The following ADAMTSL1 variants were observed in gnomAD, a reference collection of about 807,000 sequenced individuals.
ADAMTSL1 encodes the protein ADAMTS like 1.
A neutral mutation model predicts 201.8 loss-of-function variants in ADAMTSL1; 126 were observed. The observed-to-expected ratio is 0.62, with a 90% CI of 0.54 to 0.72. The LOEUF is 0.72. Ranked by LOEUF, ADAMTSL1 falls within the 30% of genes least tolerant of loss-of-function variation. The pLI, the probability that ADAMTSL1 is intolerant of heterozygous loss-of-function variation, is 0.00. For synonymous variants in ADAMTSL1, 1,121 were observed against 903.4 expected, an observed-to-expected ratio of 1.24 and a Z score of -4.32; for missense variants, 2,679 against 2,277.8, an observed-to-expected ratio of 1.18 and a Z score of -3.59.
chr9:18,352,502 G>A (rs1416255735), intron 2 of ADAMTSL1, among the ~76,000 whole-genome samples: 2 of 152,186 alleles, frequency 1.3e-5, no homozygotes, highest in African/African-American at 4.8e-5. Context: ...CTGTCCCAGT[G>A]CATGTCTTCT....
chr9:18,631,047 G>A (rs554892978), intron 5 of ADAMTSL1, among the ~76,000 whole-genome samples: 1 of 152,138 alleles, frequency 6.6e-6, no homozygotes, highest in Non-Finnish European at 1.5e-5. Context: ...CAGGATTATC[G>A]CCTGAGTGAG....
At position 18,681,797 on chromosome 9, in the gene ADAMTSL1, G is replaced by T; in HGVS notation, c.1342-15G>T. The T allele has an allele frequency of 6.3e-7, 1 of 1,591,850 alleles. No individual in the cohort carries two copies. The highest frequency in any genetic ancestry group is 8.6e-7 in the Non-Finnish European group (1 of 1,168,210). ...TTTGCCTACGAGTCTCCTCTCTCTTGCAATCTCTTTCCAGTGCACAGTGAC... is the reference window on the plus strand; with the variant it reads ...TTTGCCTACGAGTCTCCTCTCTCTTTCAATCTCTTTCCAGTGCACAGTGAC... On this transcript the variant is annotated splice_polypyrimidine_tract_variant and intron_variant, in intron 11 of 28. Coordinates refer to ENST00000380548, the MANE Select transcript of ADAMTSL1 (RefSeq NM_001040272.6).
chr9:18,257,289 A>G (rs1353638650), intron 2 of ADAMTSL1, among the ~76,000 whole-genome samples: 1 of 152,242 alleles, frequency 6.6e-6, no homozygotes, highest in Non-Finnish European at 1.5e-5. Flanking sequence ...AGAATGGAGG[A>G]GATCCAAAAA....
chr9:18,326,902 T>G (rs1276667144), intron 2 of ADAMTSL1, among the ~76,000 whole-genome samples: 1 of 152,242 alleles, frequency 6.6e-6, no homozygotes, highest in Non-Finnish European at 1.5e-5. Flanking sequence ...CAACTGGATT[T>G]AAATGCTAAG....
At chr9:18,157,353 G>A (rs750978896) in intron 1 of ADAMTSL1, among the ~76,000 whole-genome samples, 1 of 151,910 alleles carries the variant, frequency 6.6e-6, no homozygotes, top group African/African-American at 2.4e-5. Context: ...TCTTGTCAAG[G>A]TGTAGATATC....
chr9:18,134,380 A>G (rs1826071144), intron 1 of ADAMTSL1, among the ~76,000 whole-genome samples: 1 of 152,148 alleles, frequency 6.6e-6, no homozygotes, highest in Non-Finnish European at 1.5e-5. Flanking sequence ...GAGCATAGCC[A>G]TTATCTAATT....
chr9:18,705,916 C>T (rs745870008), intron 13 of ADAMTSL1, among the ~76,000 whole-genome samples: 1 of 152,146 alleles, frequency 6.6e-6, no homozygotes. Context: ...ACAGGGCAAA[C>T]CCCAAAACTG....
At chr9:18,175,678 C>G (rs779017177) in intron 2 of ADAMTSL1, among the ~76,000 whole-genome samples, 1 of 152,104 alleles carries the variant, frequency 6.6e-6, no homozygotes, top group Admixed American at 6.6e-5. Flanking sequence ...TCTAGACTTT[C>G]CTTTCTTAAC....
rs199884109 is a variant in ADAMTSL1, at chr9:18,434,263, G to GA, written c.208-70559dup. On this transcript the variant is annotated intron_variant, in intron 2 of 29. Transcript: ENST00000680146. ...AAGGTCCTTATGGGCCCATTTTCAT[G>GA]AAAAAAACAAGAGGCTGTGCTCGGT... Among the ~76,000 whole-genome samples, 1,034 of 152,122 alleles carry GA rather than the reference G, an allele frequency of 6.8e-3. 12 individuals are homozygous for GA. Among genetic ancestry groups the GA allele is most frequent in the African/African-American group, 0.023 (969 of 41,516 alleles).
At chr9:18,564,648 G>A (rs1821762928) in intron 3 of ADAMTSL1, among the ~76,000 whole-genome samples, 2 of 152,128 alleles carry the variant, frequency 1.3e-5, no homozygotes, top group African/African-American at 4.8e-5. Context: ...GTATAATTGT[G>A]TGCTTATAAA....
At chr9:18,451,777 A>T (rs1820415698) in intron 2 of ADAMTSL1, among the ~76,000 whole-genome samples, 1 of 152,210 alleles carries the variant, frequency 6.6e-6, no homozygotes, top group Non-Finnish European at 1.5e-5. Context: ...CAAAGAAGAG[A>T]GATTTATTTC....
chr9:18,817,593 G>C (rs1823942701), intron 21 of ADAMTSL1, among the ~76,000 whole-genome samples: 1 of 152,212 alleles, frequency 6.6e-6, no homozygotes, highest in Non-Finnish European at 1.5e-5. Context: ...GCTGTAGAGA[G>C]AACTGGGTGA....
chr9:18,146,539 G>A (rs1211416201), intron 1 of ADAMTSL1, among the ~76,000 whole-genome samples: 1 of 152,174 alleles, frequency 6.6e-6, no homozygotes, highest in Non-Finnish European at 1.5e-5. Context: ...ATCAATAGTT[G>A]CTAGAGGTTT....
intron 26 of ADAMTSL1, among the ~76,000 whole-genome samples, chr9:18,905,222 C>T (rs1443200662): frequency 6.6e-6 from 1 of 152,146 alleles, no homozygotes; most frequent in African/African-American, 2.4e-5. Context: ...GCTCCATGAA[C>T]TCTGGGGAAA....
chr9:18,897,550 T>C (rs921117105), intron 26 of ADAMTSL1, among the ~76,000 whole-genome samples: 8 of 152,222 alleles, frequency 5.3e-5, no homozygotes, highest in African/African-American at 1.9e-4. Flanking sequence ...CAGACTTCAC[T>C]GGTGATACAT....
In ADAMTSL1 at chr9:18,499,223, A is replaced by T. The variant is rs186449089; in HGVS notation, c.64-5606A>T. 2.0e-5 allele frequency among the ~76,000 whole-genome samples: 3 copies of T among 152,348 alleles called. No homozygotes were observed. The East Asian group carries it at 5.8e-4, about 29-fold the overall frequency. ...TGATCCAAATTTCCTAAGCAAAGCCAGCAGCAAATATCATCTGGGAAGGCG... is the reference window on the plus strand; with the variant it reads ...TGATCCAAATTTCCTAAGCAAAGCCTGCAGCAAATATCATCTGGGAAGGCG... On this transcript the variant is annotated intron_variant, in intron 1 of 28. Transcript: ENST00000380548.
chr9:18,782,392 G>A (rs1234033740), intron 19 of ADAMTSL1, among the ~76,000 whole-genome samples: 4 of 152,204 alleles, frequency 2.6e-5, no homozygotes, highest in Non-Finnish European at 5.9e-5. Flanking sequence ...GGCACATATT[G>A]GAGAGAACTT....
At chr9:18,678,659 A>G (rs1010396685) in intron 10 of ADAMTSL1, among the ~76,000 whole-genome samples, 3 of 152,192 alleles carry the variant, frequency 2.0e-5, no homozygotes, top group African/African-American at 7.2e-5. Flanking sequence ...CAATTAGAAA[A>G]TGTGCTCTTT....
chr9:17,921,442 T>G (rs1826296115), intron 1 of ADAMTSL1, among the ~76,000 whole-genome samples: 1 of 152,222 alleles, frequency 6.6e-6, no homozygotes, highest in African/African-American at 2.4e-5. Context: ...TTGTGTCCTT[T>G]CCAATTCTTT....
Sources: allele counts gnomAD v4.1 joint callset (sites outside exome capture counted in the v4.1 genomes callset), GRCh38; gene constraint gnomAD v4.1.1; transcripts MANE v1.5; gene names NCBI Gene and HGNC (gene_info 2026-07-23, HGNC 2026-07-21).